Variants in RBM33 observed in about 807,000 individuals in gnomAD.
RBM33 encodes the protein RNA-binding protein 33.
In RBM33, 28 loss-of-function variants were observed where a neutral mutation model predicts 132.6. The observed-to-expected ratio is 0.21, with a 90% confidence interval of 0.16 to 0.29. The LOEUF is 0.29. Ranked by LOEUF, RBM33 falls within the 10% of genes least tolerant of loss-of-function variation. RBM33 has a pLI of 1.00. For synonymous variants in RBM33, 634 were observed against 593.0 expected (o/e 1.07, Z -1.01); for missense variants, 1,291 against 1,518.5 (o/e 0.85, Z 2.49).
chr7:155,697,009 G>A (rs1276520256), intron 5 of RBM33, among the ~76,000 whole-genome samples: 5 of 152,152 alleles, frequency 3.3e-5, no homozygotes, highest in Non-Finnish European at 7.4e-5. Flanking sequence ...CATCCACAAC[G>A]CCCCTGGCAA....
At chr7:155,669,132 CCT>C (rs1798876677) in intron 2 of RBM33, among the ~76,000 whole-genome samples, 1 of 152,086 alleles carries the variant, frequency 6.6e-6, no homozygotes, top group Non-Finnish European at 1.5e-5. Flanking sequence ...CATAAGACAG[CCT>C]CTCTGTGTGC....
At chr7:155,703,316 T>A (rs1800019865) in intron 6 of RBM33, among the ~76,000 whole-genome samples, 1 of 152,208 alleles carries the variant, frequency 6.6e-6, no homozygotes. Flanking sequence ...GACAAGAAGC[T>A]GGAAAGGTTG....
chr7:155,725,864 C>T (rs559980157), intron 9 of RBM33, among the ~76,000 whole-genome samples: 2 of 152,234 alleles, frequency 1.3e-5, no homozygotes, highest in South Asian at 2.1e-4. Context: ...GTGTATCCTT[C>T]TTCAAAATGT....
intron 14 of RBM33, among the ~76,000 whole-genome samples, chr7:155,754,486 C>T (rs998581878): frequency 1.1e-4 from 16 of 152,224 alleles, no homozygotes; most frequent in African/African-American, 3.6e-4. Context: ...AAGAGCTAGA[C>T]TTCACACCCT....
At chr7:155,673,798 A>ACACACACC (rs1297448595) in intron 3 of RBM33, among the ~76,000 whole-genome samples, 3 of 144,002 alleles carry the variant, frequency 2.1e-5, no homozygotes, top group African/African-American at 5.6e-5. Flanking sequence ...ACACACACAC[A>ACACACACC]CACCCCTACC....
intron 15 of RBM33, among the ~76,000 whole-genome samples, chr7:155,764,276 A>C (rs779272944): frequency 6.6e-6 from 1 of 152,212 alleles, no homozygotes; most frequent in South Asian, 2.1e-4. Context: ...TGCCGCTCTG[A>C]ACTGTCGACC....
At chr7:155,760,540 C>A (rs1254079095) in intron 14 of RBM33, among the ~76,000 whole-genome samples, 1 of 152,186 alleles carries the variant, frequency 6.6e-6, no homozygotes, top group Admixed American at 6.5e-5. Flanking sequence ...AGTGGCAGTA[C>A]AGCTGAACAC....
intron 9 of RBM33, among the ~76,000 whole-genome samples, chr7:155,730,610 G>A (rs2117011962): frequency 6.6e-6 from 1 of 152,334 alleles, no homozygotes; most frequent in Non-Finnish European, 1.5e-5. Context: ...ACAGGGCTGG[G>A]AGAGCTGTCA....
At chr7:155,721,563 C>A (rs941567510) in intron 9 of RBM33, among the ~76,000 whole-genome samples, 2 of 151,944 alleles carry the variant, frequency 1.3e-5, no homozygotes, top group Non-Finnish European at 2.9e-5. Context: ...CGCAAAAGTA[C>A]CACTAGATTT....
Position 155,673,940 on chromosome 7 carries a change from G to GTTGTTGTTTTTTTTTTGTT in RBM33, c.171+1027_171+1028insGTTGTTTTTTTTTTGTTTT. Among the ~76,000 whole-genome samples the GTTGTTGTTTTTTTTTTGTT allele has an allele frequency of 7.2e-4, 39 of 54,196 alleles. 2 individuals carry two copies. The highest frequency in any genetic ancestry group is 3.0e-3 in the African/African-American group (36 of 12,126). The allele number at this position is 54,196 out of a possible 152,430, so 35.6% of individuals were successfully genotyped here. On this transcript the variant is annotated intron_variant, in intron 3 of 17. Transcript: ENST00000401878. ...TCATTATCAAGATAGTTTAGGCTTA[G>GTTGTTGTTTTTTTTTTGTT]TTTTTTTTTTTTTTTTTTTTTTTTT...
chr7:155,728,955 G>A (rs536385494), intron 9 of RBM33, among the ~76,000 whole-genome samples: 1 of 152,316 alleles, frequency 6.6e-6, no homozygotes, highest in Admixed American at 6.5e-5. Context: ...GATTAAATGA[G>A]ACAGCATGTG....
chr7:155,651,362 T>C (rs1047596426), intron 1 of RBM33, among the ~76,000 whole-genome samples: 2 of 152,196 alleles, frequency 1.3e-5, no homozygotes, highest in Non-Finnish European at 2.9e-5. Flanking sequence ...GATCTGCTCT[T>C]GAGAAGTTTG....
intron 5 of RBM33, among the ~76,000 whole-genome samples, chr7:155,696,055 A>G (rs923855706): frequency 3.9e-5 from 6 of 152,182 alleles, no homozygotes; most frequent in Non-Finnish European, 7.3e-5. Flanking sequence ...TGTCCTGACA[A>G]TAAAATTAGG....
At chr7:155,663,347 G>A (rs1283967936) in intron 1 of RBM33, among the ~76,000 whole-genome samples, 2 of 152,054 alleles carry the variant, frequency 1.3e-5, no homozygotes, top group Non-Finnish European at 1.5e-5. Context: ...GGCTGTACAA[G>A]TGTGGTGTCA....
chr7:155,751,059 C>G (rs1029035055), intron 14 of RBM33, among the ~76,000 whole-genome samples: 4 of 152,154 alleles, frequency 2.6e-5, no homozygotes, highest in African/African-American at 9.7e-5. Context: ...TCCCTTCCTA[C>G]CTTCTCAAAA....
At chr7:155,674,376 TCTCA>T (rs1045988684) in intron 3 of RBM33, among the ~76,000 whole-genome samples, 2 of 152,156 alleles carry the variant, frequency 1.3e-5, no homozygotes, top group Non-Finnish European at 2.9e-5. Context: ...TTCTAGGTGC[TCTCA>T]CTTGTATTTT....
chr7:155,749,610 A>G (rs902495243), intron 14 of RBM33, among the ~76,000 whole-genome samples: 1 of 152,204 alleles, frequency 6.6e-6, no homozygotes, highest in Non-Finnish European at 1.5e-5. Flanking sequence ...GATGATGATG[A>G]TGATGATGGT....
In RBM33 at chr7:155,645,646, A is replaced by G. The variant is rs145695552; in HGVS notation, c.43+727A>G. On this transcript the variant is annotated intron_variant, in intron 1 of 17. Transcript: ENST00000401878. ...AAAAAATTGTAGGTAAATTACTTTCAGGTAAAATTACATATCACTGGGGGT... is the reference window on the plus strand; with the variant it reads ...AAAAAATTGTAGGTAAATTACTTTCGGGTAAAATTACATATCACTGGGGGT... Among the ~76,000 whole-genome samples, 380 of 152,362 alleles carry G rather than the reference A, an allele frequency of 2.5e-3. 2 individuals carry two copies. Among genetic ancestry groups the G allele is most frequent in the African/African-American group, 8.7e-3 (361 of 41,582 alleles).
At chr7:155,672,676 C>T (rs1798974482) in intron 2 of RBM33, among the ~76,000 whole-genome samples, 191 bp from the exon 3 acceptor site, 1 of 145,606 alleles carries the variant, frequency 6.9e-6, no homozygotes, top group South Asian at 2.1e-4. Context: ...GCCTGGGAGG[C>T]AGAGGTTGCA....
Sources: allele counts gnomAD v4.1 joint callset (sites outside exome capture counted in the v4.1 genomes callset), GRCh38; gene constraint gnomAD v4.1.1; transcripts MANE v1.5; gene names NCBI Gene and HGNC (gene_info 2026-07-23, HGNC 2026-07-21).